Variants in CELSR1 observed in about 807,000 individuals in gnomAD.
CELSR1 encodes cadherin EGF LAG seven-pass G-type receptor 1.
A neutral mutation model predicts 249.1 loss-of-function variants in CELSR1; 110 were observed. The observed-to-expected ratio is 0.44, with a 90% CI of 0.38 to 0.52. CELSR1 has a LOEUF of 0.52. Ranked by LOEUF, CELSR1 falls within the 20% of genes least tolerant of loss-of-function variation. CELSR1 has a pLI of 0.00. For missense variants in CELSR1, 4,109 were observed against 4,296.4 expected (o/e 0.96, Z 1.22); for synonymous variants, 2,113 against 1,900.0 (o/e 1.11, Z -2.92).
chr22:46,411,850 T>C lies in CELSR1; in HGVS notation c.4612-91A>G. The C allele has an allele frequency of 6.6e-7, 1 of 1,524,210 alleles. No homozygotes were observed. The highest frequency in any genetic ancestry group is 9.0e-7 in the Non-Finnish European group (1 of 1,115,628). 94.4% of individuals were successfully genotyped at this position (1,524,210 alleles called of 1,614,324 possible). ...TGTCACTCATAGAGCGAGGAGGACA[T>C]GGCACAGGGTGGGCGGCACGTAGAC... On this transcript the variant is annotated intron_variant, in intron 5 of 34. Coordinates refer to ENST00000674500, the MANE Select transcript of CELSR1 (RefSeq NM_001378328.1). This position sits in a 1 kb window ranked among gnomAD's most constrained non-coding sequence, Gnocchi z 4.2.
intron 1 of CELSR1, among the ~76,000 whole-genome samples, chr22:46,483,634 T>C (rs574960663): frequency 6.6e-6 from 1 of 152,234 alleles, no homozygotes; most frequent in African/African-American, 2.4e-5. Flanking sequence ...TACGTAAGTC[T>C]TTGCTCCCAT....
chr22:46,367,040 T>G lies in CELSR1; in HGVS notation c.8158A>C (p.Lys2720Gln). The change falls in exon 29 of 35, where the codon AAG (lysine) becomes CAG (glutamine). Residue 2720 changes from lysine to glutamine, a missense_variant. This residue lies in a region of CELSR1 where 1,805 missense variants were observed against 1,831.6 expected (regional missense o/e 0.99). Coordinates refer to ENST00000674500, the MANE Select transcript of CELSR1 (RefSeq NM_001378328.1). ...GTGGCGGAGTCCTCCAGGTGCAGCTTCCTCCCGCCGAGCACGCCCTTCAGG... is the reference window on the plus strand; with the variant it reads ...GTGGCGGAGTCCTCCAGGTGCAGCTGCCTCCCGCCGAGCACGCCCTTCAGG... ...KHLKGVLGGR[K>Q]LHLEDSATTR... 1 of 1,611,022 alleles carries G rather than the reference T, an allele frequency of 6.2e-7. No homozygotes were observed.
intron 1 of CELSR1, among the ~76,000 whole-genome samples, chr22:46,489,880 C>A (rs2080350987): frequency 7.5e-6 from 1 of 133,936 alleles, no homozygotes; most frequent in Admixed American, 7.7e-5. Flanking sequence ...GGTGACAGAT[C>A]AAGACTCCTT....
At chr22:46,493,089 A>G (rs925136927) in intron 1 of CELSR1, among the ~76,000 whole-genome samples, 1 of 151,592 alleles carries the variant, frequency 6.6e-6, no homozygotes, top group African/African-American at 2.4e-5. Context: ...ACAAAAAATA[A>G]AAGTAAAAAA....
At position 46,365,375 on chromosome 22, in the gene CELSR1, C is replaced by A; in HGVS notation, c.8410G>T (p.Asp2804Tyr). 6.2e-7 allele frequency: 1 copy of A among 1,612,666 alleles called. No individual in the cohort carries two copies. Among genetic ancestry groups the A allele is most frequent in the Non-Finnish European group, 8.5e-7 (1 of 1,179,900 alleles). The change falls in exon 32 of 35, where the codon GAT becomes TAT. Residue 2804 changes from aspartate (D) to tyrosine (Y), a missense_variant. This residue lies in a region of CELSR1 where 1,805 missense variants were observed against 1,831.6 expected (regional missense o/e 0.99). Coordinates refer to ENST00000674500, the MANE Select transcript of CELSR1 (RefSeq NM_001378328.1). Reference sequence around the variant, plus strand: ...GACAGCTCGCTATCTGAGTCGGAATCGTGGCCTGTGGATGCGCGGGGGACA... The same window carrying A: ...GACAGCTCGCTATCTGAGTCGGAATAGTGGCCTGTGGATGCGCGGGGGACA... ...PRSCKDPPGHDSDSDSELSLD... is the reference protein window; with the variant it reads ...PRSCKDPPGHYSDSDSELSLD...
At chr22:46,372,751 G>C in intron 25 of CELSR1, 132 bp downstream of exon 25, 1 of 1,181,828 alleles carries the variant, frequency 8.5e-7, no homozygotes, top group South Asian at 1.5e-5. Flanking sequence ...GTGCAGGGCC[G>C]AGGCCTCCTC....
In CELSR1 at chr22:46,379,585, C is replaced by T. The variant is rs73890410; in HGVS notation, c.7257-868G>A. On this transcript the variant is annotated intron_variant, in intron 22 of 34. Transcript: ENST00000674500. The stretch of plus-strand genomic sequence containing the variant: ...TTTCTTCTCTCTTTTATAAGCCAAG[C>T]GCCTACTACATTCCAGGTGCCATGC... 2.0e-3 allele frequency among the ~76,000 whole-genome samples: 309 copies of T among 152,304 alleles called. 1 individual carries two copies. Among genetic ancestry groups the T allele is most frequent in the African/African-American group, 6.9e-3 (288 of 41,558 alleles).
Position 46,536,005 on chromosome 22 carries a change from C to A in CELSR1, c.1166G>T (p.Arg389Leu). Reference sequence around the variant, plus strand: ...CCACGCGCCCCCCAACACGCGGTAACGCAAGTTGGCGTTGATGGGCGAGTC... The same window carrying A: ...CCACGCGCCCCCCAACACGCGGTAAAGCAAGTTGGCGTTGATGGGCGAGTC... ...DRDSPINANL[R>L]YRVLGGAWDV... Residue 389 changes from arginine (R) to leucine (L), a missense_variant, in exon 1 of 35, where the codon CGT (arginine) becomes CTT (leucine). Physicochemically the swap from Arg to Leu is moderately radical, Grantham distance 102 (BLOSUM62 -2). This residue lies in a region of CELSR1 where 673 missense variants were observed against 636.8 expected (regional missense o/e 1.06). Coordinates refer to ENST00000674500, the MANE Select transcript of CELSR1 (RefSeq NM_001378328.1). 1 of 1,610,792 alleles carries A rather than the reference C, an allele frequency of 6.2e-7. No homozygotes were observed. The highest frequency in any genetic ancestry group is 8.5e-7 in the Non-Finnish European group (1 of 1,179,938).
intron 2 of CELSR1, among the ~76,000 whole-genome samples, chr22:46,449,365 ACATCCATC>A (rs150538879): frequency 7.2e-6 from 1 of 139,806 alleles, no homozygotes; most frequent in Non-Finnish European, 1.5e-5. Context: ...CACCCATCAC[ACATCCATC>A]CATCCATCCA....
intron 1 of CELSR1, among the ~76,000 whole-genome samples, chr22:46,507,486 C>T (rs1464439346): frequency 2.0e-5 from 3 of 152,136 alleles, no homozygotes; most frequent in Non-Finnish European, 4.4e-5. Context: ...CCTCCCCGGC[C>T]TCTGTGTGGC....
intron 2 of CELSR1, among the ~76,000 whole-genome samples, chr22:46,450,403 C>G (rs886560159): frequency 6.6e-6 from 1 of 152,256 alleles, no homozygotes; most frequent in African/African-American, 2.4e-5. Context: ...CCTGGGTATC[C>G]CCAGGTTCAC....
Position 46,391,098 on chromosome 22 carries a change from A to G in CELSR1, c.6250+88T>C, listed in dbSNP as rs1234311230. The G allele has an allele frequency of 9.1e-7, 1 of 1,101,566 alleles. No individual in the cohort carries two copies. The highest frequency in any genetic ancestry group is 1.3e-6 in the Non-Finnish European group (1 of 754,324). 68.2% of individuals were successfully genotyped at this position (1,101,566 alleles called of 1,614,324 possible). A position where few individuals can be genotyped will look rare whatever the true frequency, so the allele number is the denominator to read the frequency against. On this transcript the variant is annotated intron_variant, in intron 16 of 34. Coordinates refer to ENST00000674500, the MANE Select transcript of CELSR1 (RefSeq NM_001378328.1). This position sits in a 1 kb window ranked among gnomAD's most constrained non-coding sequence, Gnocchi z 4.3. ...TGCCTGCGGATATTTTTTCAACACG[A>G]AACATTCCATGAGTCCCCACATCTC...
chr22:46,385,669 C>A (rs11090873), intron 19 of CELSR1, among the ~76,000 whole-genome samples: 1 of 149,830 alleles, frequency 6.7e-6, no homozygotes, highest in Non-Finnish European at 1.5e-5. Flanking sequence ...GCCTACCTGC[C>A]GAATATTTTT....
At chr22:46,491,637 C>CTCT (rs56342032) in intron 1 of CELSR1, among the ~76,000 whole-genome samples, 57,736 of 136,006 alleles carry the variant, frequency 0.42, 14,380 homozygotes, top group East Asian at 0.71. Context: ...CTCTCTCTCT[C>CTCT]TTTTTTTTTT....
chr22:46,522,369 C>T (rs2080694964), intron 1 of CELSR1, among the ~76,000 whole-genome samples: 2 of 152,130 alleles, frequency 1.3e-5, no homozygotes, highest in Non-Finnish European at 1.5e-5. Context: ...CCTCAGATTC[C>T]CAAAGTGCCA....
At chr22:46,466,156 GAGA>G (rs921798053) in intron 1 of CELSR1, among the ~76,000 whole-genome samples, 4 of 152,216 alleles carry the variant, frequency 2.6e-5, no homozygotes, top group African/African-American at 7.2e-5. Flanking sequence ...TGGCTCTAAG[GAGA>G]AGAAGAGGTG....
At chr22:46,415,242 C>T (rs1440617226) in intron 5 of CELSR1, among the ~76,000 whole-genome samples, 1 of 152,138 alleles carries the variant, frequency 6.6e-6, no homozygotes, top group African/African-American at 2.4e-5. Flanking sequence ...CTCCGCCTCC[C>T]AGGTTCAAGC....
At chr22:46,506,000 G>A (rs9627483) in intron 1 of CELSR1, among the ~76,000 whole-genome samples, 4,279 of 151,916 alleles carry the variant, frequency 0.028, 210 homozygotes, top group African/African-American at 0.099. Flanking sequence ...CCAATGTGGT[G>A]AAACCCTGTC....
At chr22:46,469,999 G>A (rs1463539662) in intron 1 of CELSR1, among the ~76,000 whole-genome samples, 1 of 134,722 alleles carries the variant, frequency 7.4e-6, no homozygotes. Flanking sequence ...AGGGAGGGAG[G>A]GAGAGGCAAA....
Sources: gnomAD v4.1 joint callset for allele counts (sites outside exome capture counted in the v4.1 genomes callset) on GRCh38, gnomAD v4.1.1 for gene constraint, gnomAD v4.1.1 regional missense constraint, Gnocchi (gnomAD v3.1) non-coding constraint, MANE v1.5 for transcripts, NCBI Gene and HGNC (gene_info 2026-07-23, HGNC 2026-07-21) for gene names.